BPTF: variants seen among roughly 807,000 people sequenced by gnomAD.
BPTF encodes the protein nucleosome-remodeling factor subunit BPTF.
BPTF carries 18 observed loss-of-function variants against 292.5 expected under a neutral mutation model. The ratio of observed to expected loss-of-function variants is 0.06; its 90% CI spans 0.04 to 0.09. The LOEUF is 0.09. BPTF is among the 10% of genes least tolerant of loss of function. The pLI, the probability that BPTF is intolerant of heterozygous loss-of-function variation, is 1.00. For synonymous variants in BPTF, 1,225 were observed against 1,251.9 expected, an observed-to-expected ratio of 0.98 and a Z score of 0.45; for missense variants, 2,726 against 3,498.7, an observed-to-expected ratio of 0.78 and a Z score of 5.57.
chr17:67,908,442 A>G (rs1024605942), intron 9 of BPTF, among the ~76,000 whole-genome samples: 2 of 150,046 alleles, frequency 1.3e-5, no homozygotes, highest in African/African-American at 4.9e-5. Flanking sequence ...GGCATGAGCC[A>G]CCACACTCAC....
At chr17:67,851,805 C>T (rs1478690784) in intron 1 of BPTF, among the ~76,000 whole-genome samples, 1 of 152,132 alleles carries the variant, frequency 6.6e-6, no homozygotes, top group Non-Finnish European at 1.5e-5. Context: ...TTGCATCCTT[C>T]CCAACAGTTT....
chr17:67,935,350 C>G (rs768100329), intron 18 of BPTF, among the ~76,000 whole-genome samples: 1 of 151,892 alleles, frequency 6.6e-6, no homozygotes, highest in Non-Finnish European at 1.5e-5. Context: ...TCACATGGGC[C>G]CAAGAGGTCA....
At chr17:67,905,677 C>T (rs1199636306) in intron 9 of BPTF, among the ~76,000 whole-genome samples, 4 of 151,638 alleles carry the variant, frequency 2.6e-5, no homozygotes, top group Non-Finnish European at 4.4e-5. Flanking sequence ...CTGTTGCACT[C>T]GAGCCTGGAT....
chr17:67,945,593 T>TCAGCCTGAAGTTCAGACC lies in BPTF; in HGVS notation c.6888_6905dup (p.Pro2297_Gln2302dup), dbSNP rs782088820. The TCAGCCTGAAGTTCAGACC allele has an allele frequency of 1.9e-6, 3 of 1,611,270 alleles. No individual in the cohort carries two copies. The East Asian group carries it at 6.7e-5, about 36-fold the overall frequency. ...CCCCAGCTCAGCCTGAAGTTCAGAC[T>TCAGCCTGAAGTTCAGACC]CAGCCTGAAGTTCAGACCCAAACAA... On this transcript the variant is annotated inframe_insertion, in exon 21 of 28. Transcript: ENST00000306378.
intron 7 of BPTF, among the ~76,000 whole-genome samples, chr17:67,901,586 C>T (rs2146577170): frequency 6.6e-6 from 1 of 152,202 alleles, no homozygotes; most frequent in East Asian, 1.9e-4. Flanking sequence ...TACTAATAGT[C>T]TAATACAAAC....
intron 23 of BPTF, among the ~76,000 whole-genome samples, chr17:67,954,174 GT>G (rs71142114): frequency 0.65 from 97,741 of 149,926 alleles, 34,463 homozygotes; most frequent in Non-Finnish European, 0.79. Context: ...ATTTTGGGGT[GT>G]TTTTTGTTGT....
chr17:67,926,143 G>A (rs867727672), intron 15 of BPTF, among the ~76,000 whole-genome samples: 1 of 149,970 alleles, frequency 6.7e-6, no homozygotes, highest in East Asian at 2.0e-4. Context: ...AAGTAACTGG[G>A]ACTACAGGCA....
intron 18 of BPTF, 50 bp from the exon 19 acceptor site, chr17:67,940,389 A>T (rs782133676): frequency 2.0e-6 from 3 of 1,520,868 alleles, no homozygotes; most frequent in Non-Finnish European, 2.7e-6. Context: ...TTCAATTCAA[A>T]ATAATGCCAA....
intron 4 of BPTF, among the ~76,000 whole-genome samples, chr17:67,881,589 C>T (rs771057436): frequency 2.7e-5 from 4 of 148,644 alleles, no homozygotes; most frequent in East Asian, 2.0e-4. Flanking sequence ...CTGCAACCTC[C>T]GCCTCCCAGG....
At chr17:67,841,237 G>A (rs1289131513) in intron 1 of BPTF, among the ~76,000 whole-genome samples, 43 of 151,580 alleles carry the variant, frequency 2.8e-4, no homozygotes, top group African/African-American at 6.1e-4. Flanking sequence ...GCGAAACCCC[G>A]TCTCTACTAA....
chr17:67,971,485 A>AT (rs1472391585), intron 26 of BPTF, among the ~76,000 whole-genome samples: 41 of 145,244 alleles, frequency 2.8e-4, no homozygotes, highest in Admixed American at 1.9e-3. Context: ...GCTGTCTTTA[A>AT]AAAAAAAAAA....
In BPTF at chr17:67,940,573, T is replaced by C. The variant is rs782048625; in HGVS notation, c.6394T>C (p.Ser2132Pro). 22 of 1,613,940 alleles carry C rather than the reference T, an allele frequency of 1.4e-5. No homozygotes were observed. The highest frequency in any genetic ancestry group is 1.6e-5 in the Non-Finnish European group (19 of 1,180,004). The part of the protein sequence containing the change: ...TSATSTSNIQ[S>P]SASQPPRPQQ... ...AGCAACGTCCACTTCAAATATACAG[T>C]CTTCAGCCTCACAACCCCCTCGCCC... The change falls in exon 19 of 28, where the codon TCT becomes CCT. Residue 2132 changes from serine to proline, a missense_variant. Physicochemically the swap from Ser to Pro is moderately conservative, Grantham distance 74. Transcript: ENST00000306378.
rs2061154631 is a variant in BPTF, at chr17:67,892,117, T to C, written c.2055+83T>C. ...ACACCTTAAAAATAGGGGCTGGAAA[T>C]TTGTAGAAATTTGTAGACCTATTTT... is the stretch of plus-strand genomic sequence containing the variant. On this transcript the variant is annotated intron_variant, in intron 5 of 27. Coordinates refer to ENST00000306378, the MANE Select transcript of BPTF (RefSeq NM_182641.4). 7 of 924,612 alleles carry C rather than the reference T, an allele frequency of 7.6e-6. No individual in the cohort carries two copies. The South Asian group carries it at 1.1e-4, about 15-fold the overall frequency. 57.3% of individuals were successfully genotyped at this position (924,612 alleles called of 1,614,324 possible).
At chr17:67,955,463 T>G (rs2066840175) in intron 23 of BPTF, 1 of 152,012 alleles carries the variant, frequency 6.6e-6, no homozygotes, top group African/African-American at 2.4e-5. Context: ...AATCAGGTTT[T>G]CCTGTGAGTT....
chr17:67,936,071 T>A (rs10853081), intron 18 of BPTF, among the ~76,000 whole-genome samples: 152,308 of 152,322 alleles, frequency 1, 76,147 homozygotes, highest in Middle Eastern at 1. Context: ...TTTACAGGTA[T>A]AGTTCTTGGA....
At position 67,912,815 on chromosome 17, in the gene BPTF, T is replaced by G. The variant is rs768157442; in HGVS notation, c.4931T>G (p.Val1644Gly). The G allele has an allele frequency of 6.8e-6, 11 of 1,614,132 alleles. No individual in the cohort carries two copies. In the Admixed American group the frequency reaches 1.7e-4, roughly 24 times the overall value. ...KLSTPSTGGS[V>G]DIISVKEQSK... ...TCCACACCCTCCACAGGCGGCAGTG[T>G]GGACATCATCTCTGTAAAGGAGCAG... The change falls in exon 11 of 28, where the codon GTG becomes GGG. Residue 1644 changes from valine to glycine, a missense_variant. Transcript: ENST00000306378.
At position 67,940,588 on chromosome 17, in the gene BPTF, C is replaced by G. The variant is rs200697649; in HGVS notation, c.6409C>G (p.Pro2137Ala). Residue 2137 changes from proline to alanine, a missense_variant, in exon 19 of 28, where the codon CCC (proline) becomes GCC (alanine). This residue lies in a region of BPTF where 570 missense variants were observed against 633.5 expected (regional missense o/e 0.90). Coordinates refer to ENST00000306378, the MANE Select transcript of BPTF (RefSeq NM_182641.4). ...TSNIQSSASQ[P>A]PRPQQGQVKL... The stretch of plus-strand genomic sequence containing the variant: ...AAATATACAGTCTTCAGCCTCACAA[C>G]CCCCTCGCCCCCAACAAGGACAAGT... 6.2e-6 allele frequency: 10 copies of G among 1,614,138 alleles called. No individual in the cohort carries two copies. The highest frequency in any genetic ancestry group is 8.5e-6 in the Non-Finnish European group (10 of 1,180,024).
chr17:67,903,776 C>T lies in BPTF; in HGVS notation c.2544-13C>T. The T allele has an allele frequency of 6.6e-7, 1 of 1,522,358 alleles. No individual in the cohort carries two copies. Among genetic ancestry groups the T allele is most frequent in the Non-Finnish European group, 8.8e-7 (1 of 1,141,176 alleles). 94.3% of individuals were successfully genotyped at this position (1,522,358 alleles called of 1,614,324 possible). On this transcript the variant is annotated splice_polypyrimidine_tract_variant and intron_variant, in intron 7 of 27. Transcript: ENST00000306378. ...TCCAAGTTAACATTGTCTTTCTATG[C>T]ATGAATTCTTAGGTTACACCGGATG...
intron 19 of BPTF, among the ~76,000 whole-genome samples, chr17:67,943,680 C>T (rs1251702088): frequency 6.6e-6 from 1 of 152,170 alleles, no homozygotes; most frequent in Non-Finnish European, 1.5e-5. Flanking sequence ...CTTGACCTTT[C>T]TAACCTGAGT....
Sources: allele counts gnomAD v4.1 joint callset (sites outside exome capture counted in the v4.1 genomes callset), GRCh38; gene constraint gnomAD v4.1.1; regional missense constraint gnomAD v4.1.1; transcripts MANE v1.5; gene names NCBI Gene and HGNC (gene_info 2026-07-23, HGNC 2026-07-21).